The following BCL2 variants were observed in gnomAD, a reference collection of about 807,000 sequenced individuals.
The protein encoded by BCL2 is apoptosis regulator Bcl-2.
A neutral mutation model predicts 14.2 loss-of-function variants in BCL2; 1 was observed. The ratio of observed to expected loss-of-function variants is 0.07; its 90% CI spans 0.02 to 0.33. The LOEUF is 0.33. BCL2 is among the 10% of genes least tolerant of loss of function. The pLI is 0.99. For synonymous variants in BCL2, 151 were observed against 137.2 expected, an observed-to-expected ratio of 1.10 and a Z score of -0.70; for missense variants, 247 against 305.9, an observed-to-expected ratio of 0.81 and a Z score of 1.44.
At chr18:63,270,433 A>G (rs967742868) in intron 2 of BCL2, among the ~76,000 whole-genome samples, 8 of 152,220 alleles carry the variant, frequency 5.3e-5, no homozygotes, top group African/African-American at 1.9e-4. Context: ...TAGGCAGTAC[A>G]TTCCAAAATG....
intron 2 of BCL2, among the ~76,000 whole-genome samples, chr18:63,135,163 G>C (rs1445870464): frequency 6.6e-6 from 1 of 152,194 alleles, no homozygotes; most frequent in Non-Finnish European, 1.5e-5. Context: ...GAGCGTGAAG[G>C]CTGGGTTTCA....
intron 2 of BCL2, among the ~76,000 whole-genome samples, chr18:63,304,086 G>A (rs1913046928): frequency 6.6e-6 from 1 of 152,186 alleles, no homozygotes; most frequent in Non-Finnish European, 1.5e-5. Context: ...CAAGGAAGAA[G>A]TTAATATTGT....
At chr18:63,276,317 C>T (rs1912152013) in intron 2 of BCL2, among the ~76,000 whole-genome samples, 1 of 151,530 alleles carries the variant, frequency 6.6e-6, no homozygotes, top group Admixed American at 6.6e-5. Context: ...GCTGGCTTCT[C>T]ATTACATGCA....
chr18:63,167,216 A>G (rs940672695), intron 2 of BCL2, among the ~76,000 whole-genome samples: 5 of 152,024 alleles, frequency 3.3e-5, no homozygotes, highest in African/African-American at 1.2e-4. Context: ...TCCTTCATTC[A>G]TCTATCTACC....
At chr18:63,150,213 A>T (rs1914620214) in intron 2 of BCL2, among the ~76,000 whole-genome samples, 2 of 152,226 alleles carry the variant, frequency 1.3e-5, no homozygotes, top group South Asian at 4.1e-4. Context: ...CAGAAAGAGA[A>T]GTTTCCTTTG....
At chr18:63,142,939 G>A (rs1326733632) in intron 2 of BCL2, among the ~76,000 whole-genome samples, 1 of 152,176 alleles carries the variant, frequency 6.6e-6, no homozygotes, top group Non-Finnish European at 1.5e-5. Context: ...TGTGCCCAGG[G>A]AAGACAGCAG....
intron 2 of BCL2, among the ~76,000 whole-genome samples, chr18:63,161,658 A>C (rs926260434): frequency 4.6e-5 from 7 of 152,234 alleles, no homozygotes; most frequent in Non-Finnish European, 8.8e-5. Flanking sequence ...GAGAAAGTCT[A>C]GCTAGATGGA....
chr18:63,241,249 T>A (rs1040967506), intron 2 of BCL2, among the ~76,000 whole-genome samples: 2 of 152,240 alleles, frequency 1.3e-5, no homozygotes, highest in Non-Finnish European at 2.9e-5. Context: ...CTTGTTATTT[T>A]CAATAATGAG....
chr18:63,242,998 C>G lies in BCL2; in HGVS notation c.585+75084G>C, dbSNP rs563194454. 9.9e-5 allele frequency among the ~76,000 whole-genome samples: 15 copies of G among 152,256 alleles called. 1 individual carries two copies. In the South Asian group the frequency reaches 3.1e-3, roughly 32 times the overall value. ...CTCAGTTACGGTCGTCTTCAAGTAA[C>G]ATGGATTGGGTAAGGTATGTTCTTC... On this transcript the variant is annotated intron_variant, in intron 2 of 2. Coordinates refer to ENST00000333681, the MANE Select transcript of BCL2 (RefSeq NM_000633.3).
In BCL2 at chr18:63,318,919, G is replaced by T; in HGVS notation, c.-253C>A. The T allele has an allele frequency of 7.2e-7, 1 of 1,392,610 alleles. No individual in the cohort carries two copies. The highest frequency in any genetic ancestry group is 1.6e-5 in the South Asian group (1 of 63,110). 86.3% of individuals were successfully genotyped at this position (1,392,610 alleles called of 1,614,324 possible). On this transcript the variant is annotated 5_prime_UTR_variant, in exon 2 of 3. Transcript: ENST00000333681. This position sits in a 1 kb window ranked among gnomAD's most constrained non-coding sequence, Gnocchi z 7.4. ...TCATGAGGCACGTTATTATTAGTAA[G>T]TATTGTTAATATCAGTCTACTTCCT... is the stretch of plus-strand genomic sequence containing the variant.
intron 2 of BCL2, among the ~76,000 whole-genome samples, chr18:63,139,583 C>T (rs1384161377): frequency 1.3e-5 from 2 of 152,172 alleles, no homozygotes; most frequent in African/African-American, 4.8e-5. Context: ...GCCCATTTGC[C>T]CAGCAGTGGC....
intron 2 of BCL2, among the ~76,000 whole-genome samples, chr18:63,257,794 G>C (rs1022254483): frequency 6.6e-6 from 1 of 152,192 alleles, no homozygotes; most frequent in Non-Finnish European, 1.5e-5. Flanking sequence ...TGAGAAATAA[G>C]CAATGTCCTT....
chr18:63,244,127 C>A (rs1415339728), intron 2 of BCL2, among the ~76,000 whole-genome samples: 2 of 152,136 alleles, frequency 1.3e-5, no homozygotes, highest in African/African-American at 2.4e-5. Flanking sequence ...TGCTTGTAAT[C>A]CCAGCATTTT....
chr18:63,273,793 C>G (rs1055352260), intron 2 of BCL2, among the ~76,000 whole-genome samples: 1 of 152,120 alleles, frequency 6.6e-6, no homozygotes, highest in African/African-American at 2.4e-5. Flanking sequence ...GTCTATACTG[C>G]GTTGTCTGAA....
intron 2 of BCL2, among the ~76,000 whole-genome samples, chr18:63,231,924 A>G (rs1910699058): frequency 6.6e-6 from 1 of 152,136 alleles, no homozygotes; most frequent in South Asian, 2.1e-4. Context: ...ATCAAGACAT[A>G]TACAATATAC....
intron 2 of BCL2, among the ~76,000 whole-genome samples, chr18:63,230,490 A>C (rs993344926): frequency 1.3e-5 from 2 of 152,122 alleles, no homozygotes; most frequent in Non-Finnish European, 2.9e-5. Flanking sequence ...AAAGACAACA[A>C]ATCAATAGAA....
intron 2 of BCL2, among the ~76,000 whole-genome samples, chr18:63,150,426 G>A (rs1914625875): frequency 6.6e-6 from 1 of 152,254 alleles, no homozygotes; most frequent in African/African-American, 2.4e-5. Context: ...TCACTTTCCT[G>A]CCCAACGGGC....
At chr18:63,266,637 T>TCTCTCTCTCACACACACA (rs1491465885) in intron 2 of BCL2, among the ~76,000 whole-genome samples, 14 of 85,940 alleles carry the variant, frequency 1.6e-4, no homozygotes, top group African/African-American at 5.1e-4. Flanking sequence ...TCTCTCTCTC[T>TCTCTCTCTCACACACACA]CACACACACA....
intron 2 of BCL2, chr18:63,314,917 T>G (rs1402389557): frequency 1.3e-5 from 2 of 152,200 alleles, no homozygotes; most frequent in Non-Finnish European, 1.5e-5. Flanking sequence ...GCTTGCTATC[T>G]CTCCTTCATC....
Sources: allele counts gnomAD v4.1 joint callset (sites outside exome capture counted in the v4.1 genomes callset), GRCh38; gene constraint gnomAD v4.1.1; non-coding constraint Gnocchi (gnomAD v3.1); transcripts MANE v1.5; gene names NCBI Gene and HGNC (gene_info 2026-07-23, HGNC 2026-07-21).